Variants in ST6GALNAC3 observed in about 807,000 individuals in gnomAD.
ST6GALNAC3 encodes ST6 N-acetylgalactosaminide alpha-2,6-sialyltransferase 3, also known as alpha-N-acetylgalactosaminide alpha-2,6-sialyltransferase 3.
A neutral mutation model predicts 32.7 loss-of-function variants in ST6GALNAC3; 25 were observed. The observed-to-expected ratio is 0.76, with a 90% confidence interval of 0.56 to 1.07. ST6GALNAC3 has a LOEUF of 1.07. Among genes scored for constraint, ST6GALNAC3 ranks in the 50% least tolerant of loss-of-function variants. The pLI, the probability that ST6GALNAC3 is intolerant of heterozygous loss-of-function variation, is 0.00. For missense variants in ST6GALNAC3, 355 were observed against 382.4 expected (o/e 0.93, Z 0.60); for synonymous variants, 129 against 133.1 (o/e 0.97, Z 0.21).
chr1:76,599,455 C>A (rs937872336), intron 3 of ST6GALNAC3, among the ~76,000 whole-genome samples: 1 of 151,922 alleles, frequency 6.6e-6, no homozygotes, highest in African/African-American at 2.4e-5. Flanking sequence ...CCTTGCCCCC[C>A]ACCCTCCGAC....
chr1:76,468,371 C>T lies in ST6GALNAC3; in HGVS notation c.623+55954C>T, dbSNP rs143712952. Among the ~76,000 whole-genome samples, 19 of 152,142 alleles carry T rather than the reference C, an allele frequency of 1.2e-4. No homozygotes were observed. In the East Asian group the frequency reaches 3.7e-3, roughly 29 times the overall value. ...TGAAGAGTCTGTTGTTAGCTTTCTG[C>T]ATTCACATGATAAGAAACAAAGAAT... On this transcript the variant is annotated intron_variant, in intron 3 of 4. Transcript: ENST00000328299.
intron 3 of ST6GALNAC3, among the ~76,000 whole-genome samples, chr1:76,492,264 A>G (rs191796988): frequency 6.6e-6 from 1 of 152,294 alleles, no homozygotes; most frequent in East Asian, 1.9e-4. Flanking sequence ...ATTACTAAGA[A>G]GTCCTTACAA....
intron 3 of ST6GALNAC3, among the ~76,000 whole-genome samples, chr1:76,594,785 T>A (rs1228466026): frequency 6.6e-6 from 1 of 152,206 alleles, no homozygotes. Flanking sequence ...TGATTTTATT[T>A]ATGTGACCAC....
In ST6GALNAC3 at chr1:76,548,643, C is replaced by T. The variant is rs193155831; in HGVS notation, c.624-78809C>T. ...TCTCTGATTGATTAGAACTGTGTCA[C>T]GTGCAAGATAGTCTGAAATATCATG... On this transcript the variant is annotated intron_variant, in intron 3 of 4. Transcript: ENST00000328299. Among the ~76,000 whole-genome samples, 75 of 152,216 alleles carry T rather than the reference C, an allele frequency of 4.9e-4. No homozygotes were observed. In the Middle Eastern group the frequency reaches 0.014, roughly 28 times the overall value.
intron 3 of ST6GALNAC3, among the ~76,000 whole-genome samples, chr1:76,619,339 G>A (rs1648490449): frequency 2.0e-5 from 3 of 152,140 alleles, no homozygotes; most frequent in South Asian, 4.1e-4. Flanking sequence ...GGAACACATC[G>A]AGAACCCCCA....
intron 3 of ST6GALNAC3, among the ~76,000 whole-genome samples, chr1:76,449,373 C>G (rs1355408640): frequency 1.3e-5 from 2 of 152,176 alleles, no homozygotes; most frequent in Non-Finnish European, 2.9e-5. Flanking sequence ...ATGAATGCAG[C>G]TGCTACAAAC....
intron 1 of ST6GALNAC3, among the ~76,000 whole-genome samples, chr1:76,265,210 A>G (rs546302492): frequency 7.9e-5 from 12 of 152,260 alleles, no homozygotes; most frequent in Non-Finnish European, 8.8e-5. Flanking sequence ...TCAATGAATC[A>G]TGCCTCTTTT....
At chr1:76,301,179 T>C (rs927272554) in intron 1 of ST6GALNAC3, among the ~76,000 whole-genome samples, 2 of 152,062 alleles carry the variant, frequency 1.3e-5, no homozygotes, top group African/African-American at 4.8e-5. Flanking sequence ...GCTAAGATTT[T>C]AATTCTTGGG....
At chr1:76,171,429 T>G (rs1652488958) in intron 1 of ST6GALNAC3, among the ~76,000 whole-genome samples, 1 of 150,598 alleles carries the variant, frequency 6.6e-6, no homozygotes, top group Non-Finnish European at 1.5e-5. Context: ...AACTAATAAC[T>G]AAGATCAGGG....
intron 3 of ST6GALNAC3, among the ~76,000 whole-genome samples, chr1:76,494,157 C>A (rs1215151139): frequency 3.3e-5 from 5 of 151,850 alleles, no homozygotes; most frequent in Non-Finnish European, 5.9e-5. Context: ...CATTTATTAT[C>A]TATTGTGAGA....
chr1:76,492,375 A>G (rs886803920), intron 3 of ST6GALNAC3, among the ~76,000 whole-genome samples: 8 of 152,170 alleles, frequency 5.3e-5, no homozygotes, highest in African/African-American at 1.9e-4. Flanking sequence ...AGACTGACAT[A>G]AAAAAGAAAC....
intron 3 of ST6GALNAC3, among the ~76,000 whole-genome samples, chr1:76,572,786 T>C (rs1331172369): frequency 6.6e-6 from 1 of 152,108 alleles, no homozygotes; most frequent in African/African-American, 2.4e-5. Context: ...ATGAAGGAAA[T>C]TTGTTGCGGA....
intron 3 of ST6GALNAC3, among the ~76,000 whole-genome samples, chr1:76,575,815 T>C (rs1646795098): frequency 6.6e-6 from 1 of 152,046 alleles, no homozygotes; most frequent in African/African-American, 2.4e-5. Flanking sequence ...ATCTTTTCTA[T>C]AAAGAACCAG....
At chr1:76,510,033 C>T (rs866391911) in intron 3 of ST6GALNAC3, among the ~76,000 whole-genome samples, 11 of 152,110 alleles carry the variant, frequency 7.2e-5, no homozygotes, top group African/African-American at 1.7e-4. Flanking sequence ...ATCAGCCTGA[C>T]GGTGACAGAA....
At position 76,088,442 on chromosome 1, in the gene ST6GALNAC3, G is replaced by A. The variant is rs183481990; in HGVS notation, c.18+13558G>A. On this transcript the variant is annotated intron_variant, in intron 1 of 4. Coordinates refer to ENST00000328299, the MANE Select transcript of ST6GALNAC3 (RefSeq NM_152996.4). ...AATCCTTTGAGGCTTTTTAAAAAAT[G>A]TATTTGAAGAATTTCCAATCAGATC... is the stretch of plus-strand genomic sequence containing the variant. Among the ~76,000 whole-genome samples the A allele has an allele frequency of 9.0e-4, 137 of 152,286 alleles. 1 individual carries two copies. Among genetic ancestry groups the A allele is most frequent in the African/African-American group, 3.2e-3 (132 of 41,560 alleles).
At chr1:76,520,151 T>C (rs1264629960) in intron 3 of ST6GALNAC3, among the ~76,000 whole-genome samples, 2 of 152,172 alleles carry the variant, frequency 1.3e-5, no homozygotes, top group Non-Finnish European at 2.9e-5. Context: ...TGTTTAGTAA[T>C]TGATTATGTC....
chr1:76,512,606 T>C (rs1661934363), intron 3 of ST6GALNAC3, among the ~76,000 whole-genome samples: 2 of 152,172 alleles, frequency 1.3e-5, no homozygotes, highest in Non-Finnish European at 2.9e-5. Context: ...TATTTGGTAA[T>C]ACACAATACC....
At chr1:76,355,708 A>G (rs1446049988) in intron 2 of ST6GALNAC3, among the ~76,000 whole-genome samples, 4 of 152,216 alleles carry the variant, frequency 2.6e-5, no homozygotes, top group Non-Finnish European at 5.9e-5. Flanking sequence ...TTCCAAACTC[A>G]GAGTGCTGTA....
chr1:76,612,298 G>GT (rs1400485605), intron 3 of ST6GALNAC3, among the ~76,000 whole-genome samples: 12 of 152,158 alleles, frequency 7.9e-5, no homozygotes, highest in Middle Eastern at 3.2e-3. Context: ...GTGGGTGGAG[G>GT]TAATAATCTG....
Sources: gnomAD v4.1 joint callset for allele counts (sites outside exome capture counted in the v4.1 genomes callset) on GRCh38, gnomAD v4.1.1 for gene constraint, MANE v1.5 for transcripts, NCBI Gene and HGNC (gene_info 2026-07-23, HGNC 2026-07-21) for gene names.